The following PAX3 variants were observed in gnomAD, a reference collection of about 807,000 sequenced individuals.
PAX3 encodes paired box 3.
A neutral mutation model predicts 51.6 loss-of-function variants in PAX3; 14 were observed. That is an observed-to-expected ratio of 0.27 (90% confidence interval 0.18 to 0.42). The LOEUF (loss-of-function observed/expected upper bound fraction) is 0.42, where lower values mean the gene tolerates loss of function less well. Ranked by LOEUF, PAX3 falls within the 10% of genes least tolerant of loss-of-function variation. The pLI is 1.00. For missense variants in PAX3, 540 were observed against 642.8 expected (o/e 0.84, Z 1.73); for synonymous variants, 280 against 253.4 (o/e 1.11, Z -1.00).
intron 5 of PAX3, among the ~76,000 whole-genome samples, chr2:222,231,279 T>C (rs987682929): frequency 3.9e-5 from 6 of 152,212 alleles, no homozygotes; most frequent in Non-Finnish European, 7.3e-5. Flanking sequence ...ACTTAACTTC[T>C]AGGGTGGTGA....
chr2:222,285,397 C>G lies in PAX3; in HGVS notation c.586+8770G>C, dbSNP rs568476528. Among the ~76,000 whole-genome samples, 69 of 152,246 alleles carry G rather than the reference C, an allele frequency of 4.5e-4. 1 individual carries two copies. Among genetic ancestry groups the G allele is most frequent in the South Asian group, 4.1e-3 (20 of 4,820 alleles). ...AAGGGCCAATGAACTGGGTAAGAACCAAGAGCCTGTGAACTGGGTAAGTTA... is the reference window on the plus strand; with the variant it reads ...AAGGGCCAATGAACTGGGTAAGAACGAAGAGCCTGTGAACTGGGTAAGTTA... On this transcript the variant is annotated intron_variant, in intron 4 of 8. Coordinates refer to ENST00000392070, the MANE Select transcript of PAX3 (RefSeq NM_181458.4).
intron 7 of PAX3, among the ~76,000 whole-genome samples, chr2:222,207,300 T>A (rs2855266): frequency 0.12 from 17,693 of 152,172 alleles, 1,208 homozygotes; most frequent in Middle Eastern, 0.15. Context: ...ATCCTGCAGT[T>A]GATTAGCATC....
At chr2:222,287,006 C>A (rs573535064) in intron 4 of PAX3, among the ~76,000 whole-genome samples, 20 of 152,300 alleles carry the variant, frequency 1.3e-4, no homozygotes, top group Non-Finnish European at 2.5e-4. Context: ...TATACATATT[C>A]TCTTCATTTT....
chr2:222,295,782 A>G lies in PAX3; in HGVS notation c.322-125T>C. 7.2e-6 allele frequency: 8 copies of G among 1,113,236 alleles called. No homozygotes were observed. In the South Asian group the frequency reaches 1.0e-4, roughly 14 times the overall value. 69.0% of individuals were successfully genotyped at this position (1,113,236 alleles called of 1,614,324 possible). On this transcript the variant is annotated intron_variant, in intron 2 of 8. Coordinates refer to ENST00000392070, the MANE Select transcript of PAX3 (RefSeq NM_181458.4). Reference sequence around the variant, plus strand: ...TCCTCTGGGACGGTCCCCCTTTGTGAGCAAAAAGACCTGAACTCTCTGAGG... The same window carrying G: ...TCCTCTGGGACGGTCCCCCTTTGTGGGCAAAAAGACCTGAACTCTCTGAGG...
At chr2:222,249,540 A>C in intron 4 of PAX3, among the ~76,000 whole-genome samples, 1 of 152,224 alleles carries the variant, frequency 6.6e-6, no homozygotes, top group East Asian at 1.9e-4. Context: ...GTGCAGTGTT[A>C]GAAGTAGGTC....
chr2:222,207,370 G>A (rs1047220264), intron 7 of PAX3, among the ~76,000 whole-genome samples: 2 of 152,196 alleles, frequency 1.3e-5, no homozygotes, highest in African/African-American at 4.8e-5. Context: ...GTTGCCTGAA[G>A]GCAGAAGTTT....
chr2:222,243,067 C>A (rs1470351809), intron 4 of PAX3, among the ~76,000 whole-genome samples: 1 of 152,070 alleles, frequency 6.6e-6, no homozygotes, highest in African/African-American at 2.4e-5. Flanking sequence ...CTTACTAGGA[C>A]AAAACTACCG....
At chr2:222,201,495 A>G in intron 8 of PAX3, 53 bp from the exon 9 acceptor site, 1 of 1,608,248 alleles carries the variant, frequency 6.2e-7, no homozygotes, top group South Asian at 1.1e-5. Flanking sequence ...ATTCACAGTC[A>G]GGGGCAAGAT....
chr2:222,237,326 G>GCACA (rs3075849), intron 4 of PAX3, among the ~76,000 whole-genome samples: 3,183 of 146,510 alleles, frequency 0.022, 62 homozygotes, highest in African/African-American at 0.052. Context: ...TTTATCACAT[G>GCACA]CACACACACA....
At chr2:222,271,606 T>A (rs1028074329) in intron 4 of PAX3, among the ~76,000 whole-genome samples, 1 of 152,246 alleles carries the variant, frequency 6.6e-6, no homozygotes, top group African/African-American at 2.4e-5. Flanking sequence ...TGTCAAGGAA[T>A]AAGGCAATGT....
At position 222,200,472 on chromosome 2, in the gene PAX3, A is replaced by G. The variant is rs764966087; in HGVS notation, c.*936T>C. The G allele has an allele frequency of 4.3e-6, 1 of 230,810 alleles. No individual in the cohort carries two copies. The highest frequency in any genetic ancestry group is 8.6e-6 in the Non-Finnish European group (1 of 116,406). 14.3% of individuals were successfully genotyped at this position (230,810 alleles called of 1,614,324 possible). On this transcript the variant is annotated 3_prime_UTR_variant, in exon 9 of 9. Coordinates refer to ENST00000392070, the MANE Select transcript of PAX3 (RefSeq NM_181458.4). ...ACATCACTGCACTCTATCACTATGAATTATGGGCTGTGAAAATAAAAGCAC... is the reference window on the plus strand; with the variant it reads ...ACATCACTGCACTCTATCACTATGAGTTATGGGCTGTGAAAATAAAAGCAC...
intron 4 of PAX3, among the ~76,000 whole-genome samples, chr2:222,282,943 C>G (rs1694697900): frequency 6.6e-6 from 1 of 152,204 alleles, no homozygotes; most frequent in Non-Finnish European, 1.5e-5. Context: ...GAAAACGTAT[C>G]ATTTTTCTTG....
At chr2:222,221,492 C>A in intron 5 of PAX3, 105 bp from the exon 6 acceptor site, 1 of 1,021,686 alleles carries the variant, frequency 9.8e-7, no homozygotes, top group Non-Finnish European at 1.5e-6. Context: ...ACTGAAAGGG[C>A]AAATAGATGC....
At chr2:222,291,098 T>C (rs1574757854) in intron 4 of PAX3, among the ~76,000 whole-genome samples, 1 of 148,682 alleles carries the variant, frequency 6.7e-6, no homozygotes, top group African/African-American at 2.5e-5. Flanking sequence ...AGCACAGGAG[T>C]GGGGGCCCAG....
chr2:222,281,461 G>T (rs1300467397), intron 4 of PAX3, among the ~76,000 whole-genome samples: 1 of 152,226 alleles, frequency 6.6e-6, no homozygotes, highest in African/African-American at 2.4e-5. Context: ...AAGCCTGGAG[G>T]TTTAAGTTCC....
chr2:222,277,039 C>T (rs756917458), intron 4 of PAX3, among the ~76,000 whole-genome samples: 2 of 152,168 alleles, frequency 1.3e-5, no homozygotes, highest in Non-Finnish European at 2.9e-5. Context: ...TGCTGACTCA[C>T]ACTTTACACA....
rs768178431 is a variant in PAX3, at chr2:222,201,175, T to C, written c.*233A>G. 5 of 1,614,076 alleles carry C rather than the reference T, an allele frequency of 3.1e-6. No homozygotes were observed. The highest frequency in any genetic ancestry group is 2.2e-5 in the South Asian group (2 of 91,086). ...GCCTTAAAATGTTGCATTTGTCTTT[T>C]ATTGCTCCAGGTCTTCCTCTTCTCC... On this transcript the variant is annotated 3_prime_UTR_variant, in exon 9 of 9. Coordinates refer to ENST00000392070, the MANE Select transcript of PAX3 (RefSeq NM_181458.4).
intron 7 of PAX3, among the ~76,000 whole-genome samples, chr2:222,205,929 C>G (rs1235978864): frequency 6.6e-6 from 1 of 152,150 alleles, no homozygotes; most frequent in Non-Finnish European, 1.5e-5. Flanking sequence ...TTGAACTTAT[C>G]CAATATGGTT....
intron 4 of PAX3, among the ~76,000 whole-genome samples, chr2:222,284,572 G>T (rs1394909831): frequency 1.3e-5 from 2 of 151,686 alleles, no homozygotes; most frequent in Non-Finnish European, 2.9e-5. Context: ...TTTTGACTTG[G>T]TGAAAGCAGA....
Sources: gnomAD v4.1 joint callset for allele counts (sites outside exome capture counted in the v4.1 genomes callset) on GRCh38, gnomAD v4.1.1 for gene constraint, MANE v1.5 for transcripts, NCBI Gene and HGNC (gene_info 2026-07-23, HGNC 2026-07-21) for gene names.